OCA2: variants seen among roughly 807,000 people sequenced by gnomAD.
The protein encoded by OCA2 is OCA2 melanosomal transmembrane protein.
OCA2 carries 77 observed loss-of-function variants against 100.2 expected under a neutral mutation model. The ratio of observed to expected loss-of-function variants is 0.77; its 90% CI spans 0.64 to 0.93. The LOEUF (loss-of-function observed/expected upper bound fraction) is 0.93, where lower values mean the gene tolerates loss of function less well. OCA2 is among the 40% of genes least tolerant of loss of function. The pLI is 0.00. For missense variants in OCA2, 1,062 were observed against 1,089.1 expected, an observed-to-expected ratio of 0.98 and a Z score of 0.35; for synonymous variants, 432 against 439.2, an observed-to-expected ratio of 0.98 and a Z score of 0.21.
chr15:27,947,443 A>G (rs1250073567), intron 18 of OCA2, among the ~76,000 whole-genome samples: 2 of 152,060 alleles, frequency 1.3e-5, no homozygotes, highest in African/African-American at 4.8e-5. Flanking sequence ...CTTCTTTGCC[A>G]TTGTGCCACC....
intron 19 of OCA2, among the ~76,000 whole-genome samples, chr15:27,887,070 C>T (rs2037253024): frequency 6.6e-6 from 1 of 152,160 alleles, no homozygotes; most frequent in Non-Finnish European, 1.5e-5. Context: ...ACGGGAGTTT[C>T]CCTGCACAAG....
intron 21 of OCA2, among the ~76,000 whole-genome samples, chr15:27,863,626 C>T (rs571892850): frequency 1.2e-4 from 19 of 152,242 alleles, no homozygotes; most frequent in Non-Finnish European, 1.5e-5. Flanking sequence ...CATTCCTTCT[C>T]CCCATTCTGG....
chr15:28,089,751 T>C (rs1404737656), intron 1 of OCA2, among the ~76,000 whole-genome samples: 3 of 152,266 alleles, frequency 2.0e-5, no homozygotes, highest in Non-Finnish European at 4.4e-5. Flanking sequence ...TGGGTTCACA[T>C]GGACATAAAG....
chr15:27,938,839 G>A (rs2039548586), intron 18 of OCA2, among the ~76,000 whole-genome samples: 1 of 152,232 alleles, frequency 6.6e-6, no homozygotes, highest in African/African-American at 2.4e-5. Context: ...GCACACTCAA[G>A]TATGGTCTCT....
At chr15:27,893,289 G>A (rs1011731031) in intron 19 of OCA2, among the ~76,000 whole-genome samples, 41 of 152,188 alleles carry the variant, frequency 2.7e-4, no homozygotes, top group African/African-American at 8.7e-4. Context: ...GAGGATGTAC[G>A]TCACCTCAGG....
chr15:27,891,138 A>G (rs995500522), intron 19 of OCA2, among the ~76,000 whole-genome samples: 2 of 152,208 alleles, frequency 1.3e-5, no homozygotes, highest in Non-Finnish European at 2.9e-5. Context: ...GATCGATTTG[A>G]TGATTTAAAC....
chr15:28,003,866 T>G (rs112811639), intron 9 of OCA2, among the ~76,000 whole-genome samples: 2,805 of 152,322 alleles, frequency 0.018, 102 homozygotes, highest in African/African-American at 0.064. Flanking sequence ...CCGCGCCGCC[T>G]GCTCCCTCCA....
At chr15:27,804,355 C>A (rs1176712043) in intron 23 of OCA2, among the ~76,000 whole-genome samples, 3 of 152,182 alleles carry the variant, frequency 2.0e-5, no homozygotes, top group African/African-American at 7.2e-5. Context: ...CATTTACACA[C>A]AAGGAAGGCA....
intron 18 of OCA2, among the ~76,000 whole-genome samples, chr15:27,939,008 G>T (rs1375170): frequency 0.21 from 31,671 of 152,116 alleles, 3,825 homozygotes; most frequent in South Asian, 0.37. Context: ...AAATCCATAC[G>T]CTTGCTGAGG....
At chr15:27,872,015 A>G (rs2036599012) in intron 19 of OCA2, 93 bp from the exon 20 acceptor site, 2 of 912,884 alleles carry the variant, frequency 2.2e-6, no homozygotes, top group Admixed American at 1.7e-5. Flanking sequence ...AGACGTGAAC[A>G]TAAGGTAGGC....
intron 18 of OCA2, among the ~76,000 whole-genome samples, chr15:27,942,305 A>G (rs2039676442): frequency 2.0e-5 from 3 of 150,866 alleles, no homozygotes; most frequent in African/African-American, 4.8e-5. Flanking sequence ...AAACATATAT[A>G]TGAATATCAT....
At chr15:27,970,253 G>A (rs1235186904) in intron 14 of OCA2, among the ~76,000 whole-genome samples, 1 of 151,622 alleles carries the variant, frequency 6.6e-6, no homozygotes, top group Non-Finnish European at 1.5e-5. Flanking sequence ...GAAGACCCCT[G>A]AGCCCACAGA....
In OCA2 at chr15:28,020,762, G is replaced by A. The variant is rs555703096; in HGVS notation, c.646+1739C>T. Among the ~76,000 whole-genome samples the A allele has an allele frequency of 3.9e-5, 6 of 152,282 alleles. No individual in the cohort carries two copies. In the East Asian group the frequency reaches 7.7e-4, roughly 20 times the overall value. On this transcript the variant is annotated intron_variant, in intron 6 of 23. Transcript: ENST00000354638. Reference sequence around the variant, plus strand: ...CACGCACTCAGCTGACATCAGCACCGCCCTGACCCCAGTGGAAGTGGAGTG... The same window carrying A: ...CACGCACTCAGCTGACATCAGCACCACCCTGACCCCAGTGGAAGTGGAGTG...
chr15:27,993,249 C>G (rs187186164), intron 9 of OCA2, among the ~76,000 whole-genome samples: 1 of 152,322 alleles, frequency 6.6e-6, no homozygotes. Context: ...ATTAAGTGCT[C>G]TACACACACC....
intron 14 of OCA2, among the ~76,000 whole-genome samples, chr15:27,976,542 A>T (rs2040972222): frequency 1.3e-5 from 2 of 152,298 alleles, no homozygotes; most frequent in South Asian, 2.1e-4. Context: ...GTTTGTTAGT[A>T]TAGTAAATTA....
chr15:27,770,524 G>A (rs2031647671), intron 23 of OCA2, among the ~76,000 whole-genome samples: 1 of 152,182 alleles, frequency 6.6e-6, no homozygotes, highest in Non-Finnish European at 1.5e-5. Flanking sequence ...AGGCCGCCGG[G>A]CTCGCCCTTC....
At chr15:28,098,347 TG>T (rs2045023963) in intron 1 of OCA2, among the ~76,000 whole-genome samples, 1 of 152,222 alleles carries the variant, frequency 6.6e-6, no homozygotes, top group African/African-American at 2.4e-5. Context: ...CTCAGCTCCT[TG>T]CCCTGGCAGG....
chr15:27,898,758 T>A (rs757674673), intron 19 of OCA2, among the ~76,000 whole-genome samples: 6 of 152,234 alleles, frequency 3.9e-5, no homozygotes, highest in Non-Finnish European at 8.8e-5. Context: ...TGAAGGGATA[T>A]TTATGAACAG....
intron 9 of OCA2, among the ~76,000 whole-genome samples, chr15:28,011,083 G>A (rs2141198809): frequency 1.3e-5 from 2 of 152,290 alleles, no homozygotes; most frequent in South Asian, 2.1e-4. Flanking sequence ...CTGAGGAGGG[G>A]TAGTCTTGTC....
Sources: gnomAD v4.1 joint callset for allele counts (sites outside exome capture counted in the v4.1 genomes callset) on GRCh38, gnomAD v4.1.1 for gene constraint, MANE v1.5 for transcripts, NCBI Gene and HGNC (gene_info 2026-07-23, HGNC 2026-07-21) for gene names.